The following GABRG3 variants were observed in gnomAD, a reference collection of about 807,000 sequenced individuals.
GABRG3 encodes gamma-aminobutyric acid type A receptor subunit gamma3.
Under a neutral mutation model 48.8 loss-of-function variants are expected in GABRG3, and 25 were observed. The observed-to-expected ratio is 0.51, with a 90% confidence interval of 0.37 to 0.72. The LOEUF is 0.72. Ranked by LOEUF, GABRG3 falls within the 30% of genes least tolerant of loss-of-function variation. The pLI, the probability that GABRG3 is intolerant of heterozygous loss-of-function variation, is 0.00. For missense variants in GABRG3, 394 were observed against 577.9 expected, an observed-to-expected ratio of 0.68 and a Z score of 3.26; for synonymous variants, 227 against 217.6, an observed-to-expected ratio of 1.04 and a Z score of -0.38.
intron 2 of GABRG3, among the ~76,000 whole-genome samples, chr15:27,023,752 A>G (rs1895938504): frequency 6.6e-6 from 1 of 152,214 alleles, no homozygotes; most frequent in South Asian, 2.1e-4. Flanking sequence ...GGCTACTGTG[A>G]ATAATATTAG....
At chr15:27,445,125 G>A (rs1483924537) in intron 5 of GABRG3, among the ~76,000 whole-genome samples, 5 of 152,070 alleles carry the variant, frequency 3.3e-5, no homozygotes, top group East Asian at 1.9e-4. Flanking sequence ...CACCCGCCTC[G>A]GCTTCCCAAA....
intron 3 of GABRG3, among the ~76,000 whole-genome samples, chr15:27,255,538 A>G (rs1426061530): frequency 6.6e-6 from 1 of 152,146 alleles, no homozygotes; most frequent in East Asian, 1.9e-4. Flanking sequence ...GTTTCAGACC[A>G]TTCCTTTTAC....
intron 5 of GABRG3, among the ~76,000 whole-genome samples, chr15:27,438,585 C>T (rs1017013721): frequency 6.6e-5 from 10 of 152,196 alleles, no homozygotes; most frequent in African/African-American, 1.9e-4. Flanking sequence ...TGTGCAAACA[C>T]GTCTCTCTGC....
intron 3 of GABRG3, among the ~76,000 whole-genome samples, chr15:27,167,874 C>T (rs925081744): frequency 2.2e-4 from 33 of 152,194 alleles, no homozygotes; most frequent in Admixed American, 1.3e-4. Flanking sequence ...GCGATCAAGG[C>T]GATCACTGGT....
intron 3 of GABRG3, among the ~76,000 whole-genome samples, chr15:27,079,128 T>C (rs1471100934): frequency 6.6e-6 from 1 of 152,082 alleles, no homozygotes; most frequent in African/African-American, 2.4e-5. Context: ...ATGGCCCAGC[T>C]GATGACTTGT....
chr15:27,306,567 TATATGTTTATATATAA>T (rs1892475074), intron 3 of GABRG3, among the ~76,000 whole-genome samples: 2 of 43,004 alleles, frequency 4.7e-5, no homozygotes, highest in Non-Finnish European at 9.4e-5. Context: ...AATATAAACA[TATATGTTTATATATAA>T]ACATATAATA....
chr15:27,114,036 T>G (rs1897601171), intron 3 of GABRG3, among the ~76,000 whole-genome samples: 1 of 152,252 alleles, frequency 6.6e-6, no homozygotes, highest in African/African-American at 2.4e-5. Flanking sequence ...TTACTAAACC[T>G]TATTCTTTCT....
intron 3 of GABRG3, among the ~76,000 whole-genome samples, chr15:27,082,732 C>T (rs1410556215): frequency 1.3e-5 from 2 of 152,166 alleles, no homozygotes; most frequent in African/African-American, 4.8e-5. Flanking sequence ...AAATGACTGC[C>T]AGGAACCACA....
rs76096957 is a variant in GABRG3, at chr15:27,239,918, C to A, written c.271-86891C>A. ...CCAGTACTAATTTATATGCTTGGAC[C>A]TCCAGCTAATTGTATTATGATAAAT... is the stretch of plus-strand genomic sequence containing the variant. On this transcript the variant is annotated intron_variant, in intron 3 of 9. Transcript: ENST00000615808. Among the ~76,000 whole-genome samples the A allele has an allele frequency of 3.2e-4, 48 of 152,266 alleles. 1 individual carries two copies. The highest frequency in any genetic ancestry group is 8.5e-4 in the Admixed American group (13 of 15,280).
chr15:27,233,718 A>G (rs1469029035), intron 3 of GABRG3, among the ~76,000 whole-genome samples: 1 of 152,198 alleles, frequency 6.6e-6, no homozygotes, highest in African/African-American at 2.4e-5. Flanking sequence ...TATGTGACTA[A>G]GTGAACCCAC....
At chr15:27,051,635 A>G (rs1014275460) in intron 3 of GABRG3, among the ~76,000 whole-genome samples, 9 of 152,192 alleles carry the variant, frequency 5.9e-5, no homozygotes, top group African/African-American at 1.9e-4. Context: ...GTAGTCCCCA[A>G]CCTTTTTGGC....
chr15:27,025,819 A>G (rs1895973999), intron 2 of GABRG3, among the ~76,000 whole-genome samples: 1 of 152,218 alleles, frequency 6.6e-6, no homozygotes, highest in African/African-American at 2.4e-5. Context: ...TTCATGGGGA[A>G]AGGTTCAGGA....
intron 3 of GABRG3, among the ~76,000 whole-genome samples, chr15:27,246,643 G>C (rs1475883686): frequency 6.6e-6 from 1 of 152,084 alleles, no homozygotes; most frequent in Non-Finnish European, 1.5e-5. Context: ...TTATAGTTAA[G>C]GGATAACTCT....
intron 5 of GABRG3, among the ~76,000 whole-genome samples, chr15:27,336,398 A>G (rs1404799171): frequency 2.6e-5 from 4 of 152,338 alleles, no homozygotes; most frequent in Middle Eastern, 6.8e-3. Context: ...TGATATTTAC[A>G]TGGAAAATCT....
Position 27,250,886 on chromosome 15 carries a change from G to A in GABRG3, c.271-75923G>A, listed in dbSNP as rs74507574. ...CAGCTGCTCCTCCTGGGCAGCACCC[G>A]CTGGGTGCAGCGCTTCTCTGTGTTG... On this transcript the variant is annotated intron_variant, in intron 3 of 9. Transcript: ENST00000615808. 7.8e-3 allele frequency among the ~76,000 whole-genome samples: 1,193 copies of A among 152,280 alleles called. 17 individuals are homozygous for A. Among genetic ancestry groups the A allele is most frequent in the East Asian group, 0.054 (277 of 5,156 alleles).
chr15:27,261,046 C>A (rs1333313315), intron 3 of GABRG3, among the ~76,000 whole-genome samples: 2 of 152,106 alleles, frequency 1.3e-5, no homozygotes, highest in Non-Finnish European at 2.9e-5. Flanking sequence ...TGCATAGTCA[C>A]AATCATGATA....
intron 5 of GABRG3, among the ~76,000 whole-genome samples, chr15:27,453,531 A>T (rs545232076): frequency 6.4e-4 from 97 of 152,290 alleles, no homozygotes; most frequent in African/African-American, 2.1e-3. Context: ...TATCTCAGTA[A>T]CCTTTGAAAT....
intron 3 of GABRG3, among the ~76,000 whole-genome samples, chr15:27,109,739 G>A (rs12438888): frequency 0.26 from 39,749 of 151,958 alleles, 6,140 homozygotes; most frequent in African/African-American, 0.42. Flanking sequence ...ACAATTAGCC[G>A]GATGTGGTGG....
chr15:27,098,707 GA>G (rs574746348), intron 3 of GABRG3, among the ~76,000 whole-genome samples: 218 of 152,138 alleles, frequency 1.4e-3, no homozygotes, highest in African/African-American at 5.1e-3. Flanking sequence ...AAGTAAATTA[GA>G]AATTCTTGCA....
Sources: gnomAD v4.1 joint callset for allele counts (sites outside exome capture counted in the v4.1 genomes callset) on GRCh38, gnomAD v4.1.1 for gene constraint, MANE v1.5 for transcripts, NCBI Gene and HGNC (gene_info 2026-07-23, HGNC 2026-07-21) for gene names.